The following KCTD19 variants were observed in gnomAD, a reference collection of about 807,000 sequenced individuals.
KCTD19 encodes BTB/POZ domain-containing protein KCTD19.
A neutral mutation model predicts 103.5 loss-of-function variants in KCTD19; 67 were observed. That is an observed-to-expected ratio of 0.65 (90% CI 0.53 to 0.79). The LOEUF is 0.79. KCTD19 is among the 30% of genes least tolerant of loss of function. The probability of loss-of-function intolerance (pLI) is 0.00; values close to 1 mark genes in which losing one functional copy is unlikely to be tolerated. For synonymous variants in KCTD19, 439 were observed against 452.2 expected (o/e 0.97, Z 0.37); for missense variants, 980 against 1,136.1 (o/e 0.86, Z 1.98).
intron 14 of KCTD19, 149 bp downstream of exon 14, chr16:67,291,160 C>T: frequency 8.6e-7 from 1 of 1,169,312 alleles, no homozygotes; most frequent in Non-Finnish European, 1.2e-6. Flanking sequence ...GCTCTGCTTG[C>T]CTCCCTGTCC....
At chr16:67,308,963 A>C (rs763053456) in intron 2 of KCTD19, among the ~76,000 whole-genome samples, 1 of 151,688 alleles carries the variant, frequency 6.6e-6, no homozygotes, top group Non-Finnish European at 1.5e-5. Context: ...CAAAACCCCA[A>C]CTCTACTAAA....
chr16:67,319,286 C>T (rs2037046381), intron 2 of KCTD19, among the ~76,000 whole-genome samples: 1 of 150,380 alleles, frequency 6.6e-6, no homozygotes, highest in South Asian at 2.1e-4. Flanking sequence ...TAAGAGAAAA[C>T]ACTGAATTAT....
intron 10 of KCTD19, 25 bp from the exon 11 acceptor site, chr16:67,294,719 T>G: frequency 6.5e-7 from 1 of 1,535,434 alleles, no homozygotes; most frequent in South Asian, 1.1e-5. Flanking sequence ...AGGGGTTGGT[T>G]AGTGAGTAGA....
At chr16:67,292,369 A>G (rs964666662) in intron 12 of KCTD19, among the ~76,000 whole-genome samples, 15 of 152,100 alleles carry the variant, frequency 9.9e-5, no homozygotes, top group African/African-American at 3.1e-4. Flanking sequence ...TCCTCTCTTC[A>G]TTGCCCTGGC....
In KCTD19 at chr16:67,297,674, G is replaced by A; in HGVS notation, c.987-11C>T. ...GTCCCCAGCCAGTTCCTGCCCAGAGGAAAGGTCTGTCATGAAGAACATCAG... is the reference window on the plus strand; with the variant it reads ...GTCCCCAGCCAGTTCCTGCCCAGAGAAAAGGTCTGTCATGAAGAACATCAG... On this transcript the variant is annotated splice_polypyrimidine_tract_variant and intron_variant, in intron 6 of 15. Coordinates refer to ENST00000304372, the MANE Select transcript of KCTD19 (RefSeq NM_001100915.3). The A allele has an allele frequency of 6.2e-7, 1 of 1,612,932 alleles. No individual in the cohort carries two copies. Among genetic ancestry groups the A allele is most frequent in the Non-Finnish European group, 8.5e-7 (1 of 1,179,790 alleles).
chr16:67,309,530 T>A (rs1408461248), intron 2 of KCTD19, among the ~76,000 whole-genome samples: 1 of 152,144 alleles, frequency 6.6e-6, no homozygotes, highest in African/African-American at 2.4e-5. Context: ...AGAGTGAAAC[T>A]AGGGAAAGTC....
chr16:67,311,109 A>T (rs1037119797), intron 2 of KCTD19, among the ~76,000 whole-genome samples: 1 of 152,214 alleles, frequency 6.6e-6, no homozygotes, highest in Non-Finnish European at 1.5e-5. Context: ...GAGAGGTGCT[A>T]GGTGTTTGTT....
At position 67,303,095 on chromosome 16, in the gene KCTD19, G is replaced by T. The variant is rs375298568; in HGVS notation, c.643+51C>A. ...TGTGGGACATGTGATGGGGAGGGGT[G>T]AATGGGCCCTATCAGCCCGCCCCCC... On this transcript the variant is annotated intron_variant, in intron 4 of 15. Transcript: ENST00000304372. The surrounding 1 kb of genome is among the most constrained non-coding windows in gnomAD (Gnocchi z 4.3). The T allele has an allele frequency of 2.6e-5, 38 of 1,434,102 alleles. No individual in the cohort carries two copies. In the South Asian group the frequency reaches 3.9e-4, roughly 15 times the overall value. 88.8% of individuals were successfully genotyped at this position (1,434,102 alleles called of 1,614,324 possible). A position where few individuals can be genotyped will look rare whatever the true frequency, so the allele number is the denominator to read the frequency against.
rs924263426 is a variant in KCTD19, at chr16:67,299,331, T to A, written c.986+32A>T. On this transcript the variant is annotated intron_variant, in intron 6 of 15. Coordinates refer to ENST00000304372, the MANE Select transcript of KCTD19 (RefSeq NM_001100915.3). ...GAGGGAAGGGCAGAGCCAAGGGTGA[T>A]GGGACTCAGTGTGCCCTAAGGAGGA... 7 of 1,598,778 alleles carry A rather than the reference T, an allele frequency of 4.4e-6. No homozygotes were observed. In the African/African-American group the frequency reaches 8.0e-5, roughly 18 times the overall value.
rs1344552733 is a variant in KCTD19, at chr16:67,326,574, G to A, written c.3+131C>T. On this transcript the variant is annotated intron_variant, in intron 1 of 15. Transcript: ENST00000304372. ...GAGCCAGCCCCCCAAATCCTTCCCG[G>A]CTGGGGGCCCCTCGCTCTCTCCCAT... The A allele has an allele frequency of 5.5e-6, 7 of 1,282,092 alleles. No individual in the cohort carries two copies. In the South Asian group the frequency reaches 8.0e-5, roughly 15 times the overall value. 79.4% of individuals were successfully genotyped at this position (1,282,092 alleles called of 1,614,324 possible).
intron 2 of KCTD19, among the ~76,000 whole-genome samples, chr16:67,308,808 G>A (rs2036920752): frequency 6.6e-6 from 1 of 152,016 alleles, no homozygotes; most frequent in South Asian, 2.1e-4. Flanking sequence ...TTGTGTTCTA[G>A]AACCTAGCAT....
At chr16:67,291,232 G>T in intron 14 of KCTD19, 77 bp downstream of exon 14, 1 of 1,532,770 alleles carries the variant, frequency 6.5e-7, no homozygotes, top group Non-Finnish European at 8.9e-7. Context: ...CTCTTGCCTT[G>T]CACCACTTAT....
intron 15 of KCTD19, among the ~76,000 whole-genome samples, chr16:67,290,600 G>A (rs2036674895): frequency 1.3e-5 from 2 of 152,222 alleles, no homozygotes; most frequent in African/African-American, 4.8e-5. Context: ...GTCAAAGCTT[G>A]GGCTCATATG....
chr16:67,314,107 T>A (rs925720956), intron 2 of KCTD19, among the ~76,000 whole-genome samples: 3 of 151,916 alleles, frequency 2.0e-5, no homozygotes, highest in African/African-American at 7.3e-5. Flanking sequence ...TCTTCCCACC[T>A]CAGCATCCCA....
At chr16:67,295,723 GCCA>G in intron 8 of KCTD19, 1 of 335,016 alleles carries the variant, frequency 3.0e-6, no homozygotes, top group African/African-American at 2.1e-5. Flanking sequence ...TTCCCAGCAG[GCCA>G]CTCGGTCCAC....
At chr16:67,314,799 T>TTATATATATATATATA (rs138495581) in intron 2 of KCTD19, among the ~76,000 whole-genome samples, 8 of 45,894 alleles carry the variant, frequency 1.7e-4, no homozygotes, top group African/African-American at 6.5e-4. Flanking sequence ...TCACTTAGCA[T>TTATATATATATATATA]TATATATATA....
intron 1 of KCTD19, chr16:67,325,812 G>C (rs1262567468): frequency 1.3e-5 from 2 of 152,140 alleles, no homozygotes; most frequent in African/African-American, 4.8e-5. Context: ...CAGGAAACGG[G>C]GTAGCCCTAA....
chr16:67,299,800 G>A, intron 5 of KCTD19: 1 of 545,546 alleles, frequency 1.8e-6, no homozygotes, highest in South Asian at 2.7e-5. Context: ...TGGGAGTGGG[G>A]GGATTCATTT....
chr16:67,321,609 G>A (rs893182046), intron 1 of KCTD19: 2 of 151,564 alleles, frequency 1.3e-5, no homozygotes, highest in African/African-American at 4.8e-5. Context: ...AGCTAAAACA[G>A]TCTTGAAAAA....
Sources: gnomAD v4.1 joint callset for allele counts (sites outside exome capture counted in the v4.1 genomes callset) on GRCh38, gnomAD v4.1.1 for gene constraint, Gnocchi (gnomAD v3.1) non-coding constraint, MANE v1.5 for transcripts, NCBI Gene and HGNC (gene_info 2026-07-23, HGNC 2026-07-21) for gene names.